Variants in PDS5B observed in about 807,000 individuals in gnomAD.
PDS5B encodes sister chromatid cohesion protein PDS5 homolog B.
Under a neutral mutation model 184.1 loss-of-function variants are expected in PDS5B, and 51 were observed. The observed-to-expected ratio is 0.28, with a 90% CI of 0.22 to 0.35. The LOEUF (loss-of-function observed/expected upper bound fraction) is 0.35. PDS5B is among the 10% of genes least tolerant of loss of function. PDS5B has a pLI of 1.00. For synonymous variants in PDS5B, 566 were observed against 569.2 expected, an observed-to-expected ratio of 0.99 and a Z score of 0.08; for missense variants, 1,180 against 1,723.3, an observed-to-expected ratio of 0.68 and a Z score of 5.58.
chr13:32,686,707 C>G (rs950829058), intron 11 of PDS5B, among the ~76,000 whole-genome samples: 3 of 152,182 alleles, frequency 2.0e-5, no homozygotes, highest in South Asian at 2.1e-4. Context: ...ATTGCTTGAG[C>G]CCAGTTGTTC....
chr13:32,690,055 A>G (rs1440683399), intron 13 of PDS5B: 13 of 152,188 alleles, frequency 8.5e-5, no homozygotes, highest in Admixed American at 8.5e-4. Flanking sequence ...AAGGAAATTA[A>G]ATCTATAAAG....
chr13:32,646,369 G>GTT (rs58539534), intron 1 of PDS5B, among the ~76,000 whole-genome samples: 3,315 of 105,438 alleles, frequency 0.031, 237 homozygotes, highest in South Asian at 0.059. Context: ...TCATGGCTGT[G>GTT]TTTTTTTTTT....
intron 2 of PDS5B, 69 bp from the exon 3 acceptor site, chr13:32,651,735 G>T: frequency 1.1e-6 from 1 of 899,456 alleles, no homozygotes; most frequent in South Asian, 1.5e-5. Flanking sequence ...CAATTAACAT[G>T]ACCTTTATTT....
At chr13:32,632,432 G>A (rs993003523) in intron 1 of PDS5B, among the ~76,000 whole-genome samples, 16 of 152,066 alleles carry the variant, frequency 1.1e-4, no homozygotes, top group Admixed American at 2.0e-4. Context: ...TTAATCATTA[G>A]GAAAATGAAA....
intron 15 of PDS5B, among the ~76,000 whole-genome samples, chr13:32,699,197 A>G (rs1344944458): frequency 6.6e-6 from 1 of 152,210 alleles, no homozygotes; most frequent in Non-Finnish European, 1.5e-5. Flanking sequence ...TGATTCTGCA[A>G]AGACTCATTC....
chr13:32,591,521 T>C (rs1296227180), intron 1 of PDS5B, among the ~76,000 whole-genome samples: 1 of 152,194 alleles, frequency 6.6e-6, no homozygotes, highest in Non-Finnish European at 1.5e-5. Flanking sequence ...ATAATAAGAA[T>C]ATTTTATTAT....
intron 1 of PDS5B, among the ~76,000 whole-genome samples, chr13:32,629,335 T>C (rs2058420596): frequency 6.6e-6 from 1 of 152,164 alleles, no homozygotes; most frequent in African/African-American, 2.4e-5. Flanking sequence ...GGATACCTTG[T>C]GTTGGCTGCA....
rs1954992276 is a variant in PDS5B at position 32,777,577 on chromosome 13, T to C, written c.*2525T>C. On this transcript the variant is annotated 3_prime_UTR_variant, in exon 35 of 35. Transcript: ENST00000315596. ...TAATGTTCATTTTGAAAATATGTAC[T>C]GTATAACATTAAGAAAATATTTAAC... 4 of 152,510 alleles carry C rather than the reference T, an allele frequency of 2.6e-5. No homozygotes were observed. The South Asian group carries it at 8.3e-4, about 32-fold the overall frequency. 9.4% of individuals were successfully genotyped at this position (152,510 alleles called of 1,614,324 possible). A position where few individuals can be genotyped will look rare whatever the true frequency, so the allele number is the denominator to read the frequency against.
chr13:32,737,458 TTTC>T (rs1194029408), intron 21 of PDS5B, among the ~76,000 whole-genome samples: 1 of 152,172 alleles, frequency 6.6e-6, no homozygotes, highest in Non-Finnish European at 1.5e-5. Flanking sequence ...CTTATCCCCC[TTTC>T]ACTTTCAGAA....
At chr13:32,645,537 T>G (rs924735468) in intron 1 of PDS5B, among the ~76,000 whole-genome samples, 1 of 152,236 alleles carries the variant, frequency 6.6e-6, no homozygotes, top group African/African-American at 2.4e-5. Context: ...GGTAATAAGA[T>G]GTAGTTTCTC....
At chr13:32,731,311 CT>C (rs1437487311) in intron 19 of PDS5B, among the ~76,000 whole-genome samples, 1 of 152,028 alleles carries the variant, frequency 6.6e-6, no homozygotes, top group Non-Finnish European at 1.5e-5. Flanking sequence ...TTAAGAGCTC[CT>C]TTATTCGGTA....
intron 2 of PDS5B, chr13:32,650,080 G>A (rs1216695108): frequency 6.6e-6 from 1 of 152,138 alleles, no homozygotes; most frequent in African/African-American, 2.4e-5. Flanking sequence ...CAGCATTAGT[G>A]TCTTTTAGAG....
intron 1 of PDS5B, among the ~76,000 whole-genome samples, chr13:32,604,920 T>C (rs2058036787): frequency 6.6e-6 from 1 of 152,232 alleles, no homozygotes; most frequent in East Asian, 1.9e-4. Context: ...GGTGGTGATA[T>C]CCCATTCATC....
chr13:32,716,469 C>T (rs79869634), intron 19 of PDS5B, among the ~76,000 whole-genome samples: 48,753 of 150,296 alleles, frequency 0.32, 9,303 homozygotes, highest in Non-Finnish European at 0.44. Flanking sequence ...GCCCGGCAGC[C>T]GCCCCGTCTG....
intron 7 of PDS5B, among the ~76,000 whole-genome samples, chr13:32,669,420 A>G (rs891865342): frequency 2.6e-5 from 4 of 152,208 alleles, no homozygotes; most frequent in South Asian, 2.1e-4. Context: ...GATTGGGGCA[A>G]TTAAAGGAAA....
chr13:32,615,777 G>A (rs1410386161), intron 1 of PDS5B, among the ~76,000 whole-genome samples: 4 of 152,078 alleles, frequency 2.6e-5, no homozygotes, highest in Admixed American at 6.6e-5. Context: ...CATGGTTGCT[G>A]GAAATATAAA....
At chr13:32,699,337 A>G (rs1388095606) in intron 15 of PDS5B, among the ~76,000 whole-genome samples, 2 of 152,200 alleles carry the variant, frequency 1.3e-5, no homozygotes, top group African/African-American at 4.8e-5. Flanking sequence ...GAAATACAGG[A>G]AAATAGTTCT....
chr13:32,637,904 C>A (rs2058589429), intron 1 of PDS5B, among the ~76,000 whole-genome samples: 2 of 152,174 alleles, frequency 1.3e-5, no homozygotes, highest in African/African-American at 4.8e-5. Flanking sequence ...CACCCGAAGA[C>A]TGACTTACTG....
intron 19 of PDS5B, among the ~76,000 whole-genome samples, chr13:32,721,464 G>A (rs1340873943): frequency 5.9e-5 from 9 of 151,564 alleles, no homozygotes; most frequent in Non-Finnish European, 1.2e-4. Context: ...GCCGGGCAGA[G>A]GTGCTCCTCA....
Sources: gnomAD v4.1 joint callset for allele counts (sites outside exome capture counted in the v4.1 genomes callset) on GRCh38, gnomAD v4.1.1 for gene constraint, MANE v1.5 for transcripts, NCBI Gene and HGNC (gene_info 2026-07-23, HGNC 2026-07-21) for gene names.